ANAPC16: variants seen among roughly 807,000 people sequenced by gnomAD.
ANAPC16 encodes the protein anaphase promoting complex subunit 16.
In ANAPC16, 6 loss-of-function variants were observed where a neutral mutation model predicts 13.1. The observed-to-expected ratio is 0.46, with a 90% CI of 0.25 to 0.90. The LOEUF is 0.90. Among genes scored for constraint, ANAPC16 ranks in the 40% least tolerant of loss-of-function variants. ANAPC16 has a pLI of 0.18. For missense variants in ANAPC16, 113 were observed against 131.1 expected (o/e 0.86, Z 0.67); for synonymous variants, 55 against 51.3 (o/e 1.07, Z -0.31).
At chr10:72,223,082 A>ATTTTTTTT (rs67344471) in intron 1 of ANAPC16, 4 of 86,412 alleles carry the variant, frequency 4.6e-5, no homozygotes, top group African/African-American at 1.5e-4. Context: ...GAAAAGGTTA[A>ATTTTTTTT]TTTTTTTTTT....
intron 1 of ANAPC16, among the ~76,000 whole-genome samples, chr10:72,221,609 A>G (rs1859936512): frequency 7.0e-6 from 1 of 142,962 alleles, no homozygotes; most frequent in South Asian, 2.2e-4. Context: ...CTGGAGTGCA[A>G]TGGAATGATC....
intron 1 of ANAPC16, among the ~76,000 whole-genome samples, chr10:72,218,954 A>G (rs1402941062): frequency 1.3e-5 from 2 of 152,212 alleles, no homozygotes; most frequent in African/African-American, 4.8e-5. Context: ...GATTATATTC[A>G]GCTTAGAAGT....
chr10:72,230,115 T>C (rs1483344288), intron 2 of ANAPC16, among the ~76,000 whole-genome samples: 1 of 151,744 alleles, frequency 6.6e-6, no homozygotes, highest in Non-Finnish European at 1.5e-5. Flanking sequence ...CAGACGGAGG[T>C]TTCTTGTTTT....
At chr10:72,225,055 G>A (rs1247810768) in intron 2 of ANAPC16, among the ~76,000 whole-genome samples, 16 of 151,832 alleles carry the variant, frequency 1.1e-4, no homozygotes, top group Admixed American at 7.2e-4. Flanking sequence ...AGGCCAAGGC[G>A]GGTGGATCAC....
intron 1 of ANAPC16, among the ~76,000 whole-genome samples, chr10:72,221,616 G>A (rs535396765): frequency 9.2e-5 from 12 of 130,876 alleles, no homozygotes; most frequent in African/African-American, 3.5e-4. Flanking sequence ...GCAATGGAAT[G>A]ATCTCAGCTC....
At chr10:72,219,933 C>T (rs1859839224) in intron 1 of ANAPC16, 1 of 152,152 alleles carries the variant, frequency 6.6e-6, no homozygotes, top group Non-Finnish European at 1.5e-5. Context: ...GCAAACAGAA[C>T]AGCCAGTATT....
chr10:72,228,600 TA>T (rs1156903027), intron 2 of ANAPC16, among the ~76,000 whole-genome samples: 1 of 152,220 alleles, frequency 6.6e-6, no homozygotes, highest in African/African-American at 2.4e-5. Context: ...TTACAGTTTC[TA>T]AATGGAAGAG....
chr10:72,221,791 G>A (rs1859945863), intron 1 of ANAPC16, among the ~76,000 whole-genome samples: 1 of 145,454 alleles, frequency 6.9e-6, no homozygotes. Context: ...GTGCAATGGT[G>A]CAGTCTTGGC....
chr10:72,232,185 T>G (rs1589718538), intron 3 of ANAPC16, among the ~76,000 whole-genome samples: 1 of 69,676 alleles, frequency 1.4e-5, no homozygotes, highest in South Asian at 4.5e-4. Flanking sequence ...AAACTCTGTC[T>G]CAAAAAAAAA....
chr10:72,217,467 C>A (rs1238963034), intron 1 of ANAPC16, among the ~76,000 whole-genome samples: 1 of 138,876 alleles, frequency 7.2e-6, no homozygotes, highest in East Asian at 2.0e-4. Context: ...AGCGAGAATC[C>A]GTCTCAAAAA....
Position 72,235,701 on chromosome 10 carries a change from C to T in ANAPC16, c.*2585C>T, listed in dbSNP as rs1467725029. On this transcript the variant is annotated 3_prime_UTR_variant, in exon 4 of 4. Transcript: ENST00000299381. ...ATTTAGAAGCAATCACTACCTTTCT[C>T]GTTTCATTTGTGTAACCATGCAGCA... 2.0e-5 allele frequency: 3 copies of T among 152,160 alleles called. No individual in the cohort carries two copies. Among genetic ancestry groups the T allele is most frequent in the Admixed American group, 6.5e-5 (1 of 15,274 alleles). The allele number at this position is 152,160 out of a possible 1,614,324, so 9.4% of individuals were successfully genotyped here. A position where few individuals can be genotyped will look rare whatever the true frequency, so the allele number is the denominator to read the frequency against.
At chr10:72,228,897 A>C (rs1026118825) in intron 2 of ANAPC16, among the ~76,000 whole-genome samples, 6 of 152,210 alleles carry the variant, frequency 3.9e-5, no homozygotes, top group Non-Finnish European at 7.3e-5. Flanking sequence ...GATTAAATGC[A>C]AGTGAGAGGT....
At chr10:72,224,190 AAAATAGTATCTTTAAAAAC>A (rs1860042693) in intron 2 of ANAPC16, 134 bp downstream of exon 2, 6 of 1,056,688 alleles carry the variant, frequency 5.7e-6, no homozygotes, top group Middle Eastern at 3.2e-4. Flanking sequence ...TCCCCATCTC[AAAATAGTATCTTTAAAAAC>A]AAGTCTTGCT....
intron 3 of ANAPC16, 61 bp downstream of exon 3, chr10:72,230,501 G>T: frequency 1.4e-6 from 2 of 1,438,778 alleles, no homozygotes; most frequent in Non-Finnish European, 1.9e-6. Flanking sequence ...GGTGGATGAG[G>T]CTGTGACAAA....
rs1438090365 is a variant in ANAPC16, at chr10:72,218,162, AAAAATATATATATATATATAT to A, written c.-28+2026_-28+2046del. ...CTCTGTCTCAAAAAAAAAAAAAAAA[AAAAATATATATATATATATAT>A]ATATATATATATATATATATATATA... On this transcript the variant is annotated intron_variant, in intron 1 of 3. Transcript: ENST00000299381. Among the ~76,000 whole-genome samples, 263 of 29,278 alleles carry A rather than the reference AAAAATATATATATATATATAT, an allele frequency of 9.0e-3. 15 individuals are homozygous for A. The highest frequency in any genetic ancestry group is 0.021 in the South Asian group (14 of 660). 19.2% of individuals were successfully genotyped at this position (29,278 alleles called of 152,430 possible).
At chr10:72,216,295 T>C (rs1020872382) in intron 1 of ANAPC16, 157 bp downstream of exon 1, 4 of 159,406 alleles carry the variant, frequency 2.5e-5, no homozygotes, top group Non-Finnish European at 1.4e-5. Flanking sequence ...CCAGGCCGGG[T>C]TTGACCGAGT....
At chr10:72,225,763 G>A (rs12777967) in intron 2 of ANAPC16, among the ~76,000 whole-genome samples, 5,888 of 151,810 alleles carry the variant, frequency 0.039, 172 homozygotes, top group Non-Finnish European at 0.058. Context: ...TTAGCTGGAT[G>A]TGGTGGCGCA....
chr10:72,224,844 A>G (rs1049351132), intron 2 of ANAPC16, among the ~76,000 whole-genome samples: 1 of 152,210 alleles, frequency 6.6e-6, no homozygotes, highest in South Asian at 2.1e-4. Context: ...CCACTGCAGC[A>G]TGATGCCGTG....
chr10:72,234,824 G>A lies in ANAPC16; in HGVS notation c.*1708G>A, dbSNP rs1035466477. ...AATCTCGGACTTGGAATAGATCCCA[G>A]TTGCCTGATAATTCATCTCATTATT... On this transcript the variant is annotated 3_prime_UTR_variant, in exon 4 of 4. Coordinates refer to ENST00000299381, the MANE Select transcript of ANAPC16 (RefSeq NM_173473.4). The A allele has an allele frequency of 6.6e-6, 1 of 152,168 alleles. No homozygotes were observed. The highest frequency in any genetic ancestry group is 1.5e-5 in the Non-Finnish European group (1 of 68,040). 9.4% of individuals were successfully genotyped at this position (152,168 alleles called of 1,614,324 possible).
Sources: allele counts gnomAD v4.1 joint callset (sites outside exome capture counted in the v4.1 genomes callset), GRCh38; gene constraint gnomAD v4.1.1; transcripts MANE v1.5; gene names NCBI Gene and HGNC (gene_info 2026-07-23, HGNC 2026-07-21).